C6orf58: variants seen among roughly 807,000 people sequenced by gnomAD.
C6orf58 encodes the protein protein LEG1 homolog.
C6orf58 carries 30 observed loss-of-function variants against 37.0 expected under a neutral mutation model. The ratio of observed to expected loss-of-function variants is 0.81; its 90% CI spans 0.61 to 1.10. C6orf58 has a LOEUF of 1.10. C6orf58 is among the 50% of genes least tolerant of loss of function. The pLI is 0.00. For missense variants in C6orf58, 368 were observed against 387.5 expected, an observed-to-expected ratio of 0.95 and a Z score of 0.42; for synonymous variants, 143 against 134.1, an observed-to-expected ratio of 1.07 and a Z score of -0.46.
Position 127,578,721 on chromosome 6 carries a change from G to A in C6orf58, c.337G>A (p.Gly113Ser). The change falls in exon 2 of 6, where the codon GGC becomes AGC. Residue 113 changes from glycine (G) to serine (S), a missense_variant. Physicochemically the swap from Gly to Ser is moderately conservative, Grantham distance 56. Coordinates refer to ENST00000329722, the MANE Select transcript of C6orf58 (RefSeq NM_001010905.3). ...LADPTRRTNC[G>S]YESGDHMCIS... ...TGATCCAACCCGAAGGACAAACTGTGGCTATGAATCTGGAGATCATATGTG... is the reference window on the plus strand; with the variant it reads ...TGATCCAACCCGAAGGACAAACTGTAGCTATGAATCTGGAGATCATATGTG... 1 of 1,612,780 alleles carries A rather than the reference G, an allele frequency of 6.2e-7. No homozygotes were observed. The highest frequency in any genetic ancestry group is 8.5e-7 in the Non-Finnish European group (1 of 1,179,086).
intron 4 of C6orf58, among the ~76,000 whole-genome samples, chr6:127,586,249 C>T (rs1374507178): frequency 6.6e-6 from 1 of 152,154 alleles, no homozygotes; most frequent in South Asian, 2.1e-4. Context: ...GGCACACAGA[C>T]TTTCAGTCAG....
intron 4 of C6orf58, among the ~76,000 whole-genome samples, chr6:127,581,966 A>G (rs1231770065): frequency 6.6e-6 from 1 of 152,226 alleles, no homozygotes; most frequent in Non-Finnish European, 1.5e-5. Flanking sequence ...TACAAACTAC[A>G]TTAAGTTGCA....
Position 127,577,451 on chromosome 6 carries a change from G to C in C6orf58, c.266G>C (p.Gly89Ala). ...APDNEQNILW[G>A]LPLQYGWQYR... ...GATAATGAACAGAATATTTTATGGG[G>C]GTTGCCTCTGCAGTATGGCTGGCAA... The change falls in exon 1 of 6, where the codon GGG becomes GCG. Residue 89 changes from glycine to alanine, a missense_variant. Physicochemically the swap from Gly to Ala is moderately conservative, Grantham distance 60. Transcript: ENST00000329722. The C allele has an allele frequency of 6.2e-7, 1 of 1,613,584 alleles. No homozygotes were observed. Among genetic ancestry groups the C allele is most frequent in the South Asian group, 1.1e-5 (1 of 91,064 alleles).
intron 4 of C6orf58, among the ~76,000 whole-genome samples, chr6:127,585,049 A>G (rs984184959): frequency 6.6e-6 from 1 of 152,190 alleles, no homozygotes; most frequent in East Asian, 1.9e-4. Context: ...GGGAACTCTC[A>G]TTCGGTCCAA....
chr6:127,582,672 A>T (rs1775062850), intron 4 of C6orf58, among the ~76,000 whole-genome samples: 1 of 152,162 alleles, frequency 6.6e-6, no homozygotes, highest in South Asian at 2.1e-4. Flanking sequence ...CAGGGAAGGA[A>T]TTTTTTACCC....
rs148830086 is a variant in C6orf58, at chr6:127,589,376, T to G, written c.675-711T>G. ...CAAGTCTGTTTGCAAAACTACAAGTTGTTTAGCATGCTTAGACAGCTCATA... is the reference window on the plus strand; with the variant it reads ...CAAGTCTGTTTGCAAAACTACAAGTGGTTTAGCATGCTTAGACAGCTCATA... On this transcript the variant is annotated intron_variant, in intron 4 of 5. Transcript: ENST00000329722. 2.7e-3 allele frequency among the ~76,000 whole-genome samples: 406 copies of G among 152,308 alleles called. 3 individuals are homozygous for G. The highest frequency in any genetic ancestry group is 9.0e-3 in the African/African-American group (376 of 41,570).
At chr6:127,586,721 C>T (rs975331521) in intron 4 of C6orf58, among the ~76,000 whole-genome samples, 1 of 151,830 alleles carries the variant, frequency 6.6e-6, no homozygotes, top group Non-Finnish European at 1.5e-5. Flanking sequence ...AAGTGAAGGC[C>T]TGGCTGTTAG....
Position 127,591,778 on chromosome 6 carries a change from C to A in C6orf58, c.*156C>A. ...TATGCTTATTTGTTAAGATCTTGTACATGTATTAAAAACTTAAATTAAATG... is the reference window on the plus strand; with the variant it reads ...TATGCTTATTTGTTAAGATCTTGTAAATGTATTAAAAACTTAAATTAAATG... On this transcript the variant is annotated 3_prime_UTR_variant, in exon 6 of 6. Coordinates refer to ENST00000329722, the MANE Select transcript of C6orf58 (RefSeq NM_001010905.3). The A allele has an allele frequency of 1.7e-6, 1 of 600,382 alleles. No individual in the cohort carries two copies. The highest frequency in any genetic ancestry group is 2.4e-6 in the Non-Finnish European group (1 of 414,522). The allele number at this position is 600,382 out of a possible 1,614,324, so 37.2% of individuals were successfully genotyped here.
At chr6:127,577,549 A>T in intron 1 of C6orf58, 63 bp downstream of exon 1, 1 of 1,443,360 alleles carries the variant, frequency 6.9e-7, no homozygotes, top group African/African-American at 1.4e-5. Context: ...TATTTGGGAA[A>T]TTGGACTCTG....
rs142408714 is a variant in C6orf58, at chr6:127,578,251, A to G, written c.302-435A>G. Among the ~76,000 whole-genome samples the G allele has an allele frequency of 2.2e-4, 33 of 152,246 alleles. No individual in the cohort carries two copies. In the East Asian group the frequency reaches 6.2e-3, roughly 28 times the overall value. The stretch of plus-strand genomic sequence containing the variant: ...TCTCACCTCACATCACAACCTTATA[A>G]TGTAGTTAATATTATTATCCCCATG... On this transcript the variant is annotated intron_variant, in intron 1 of 5. Coordinates refer to ENST00000329722, the MANE Select transcript of C6orf58 (RefSeq NM_001010905.3).
intron 4 of C6orf58, among the ~76,000 whole-genome samples, chr6:127,584,382 A>G (rs1021131581): frequency 6.6e-6 from 1 of 152,244 alleles, no homozygotes; most frequent in Non-Finnish European, 1.5e-5. Context: ...GGATTATTTT[A>G]TCTCTTCCAT....
chr6:127,588,105 G>T (rs1775124650), intron 4 of C6orf58, among the ~76,000 whole-genome samples: 1 of 152,276 alleles, frequency 6.6e-6, no homozygotes, highest in East Asian at 1.9e-4. Flanking sequence ...GGCTGATTTT[G>T]ATTGGCTCCA....
intron 3 of C6orf58, 32 bp downstream of exon 3, chr6:127,580,481 G>C (rs1166804450): frequency 6.5e-7 from 1 of 1,528,354 alleles, no homozygotes; most frequent in African/African-American, 1.4e-5. Context: ...GAGATAGGAA[G>C]AGAGTTTATT....
chr6:127,585,377 C>T (rs1775096568), intron 4 of C6orf58, among the ~76,000 whole-genome samples: 1 of 152,048 alleles, frequency 6.6e-6, no homozygotes, highest in South Asian at 2.1e-4. Flanking sequence ...AAAATAGGAT[C>T]ACAGATCACT....
At chr6:127,589,682 G>A (rs1287477406) in intron 4 of C6orf58, among the ~76,000 whole-genome samples, 1 of 152,044 alleles carries the variant, frequency 6.6e-6, no homozygotes, top group Admixed American at 6.5e-5. Context: ...TGGGATCCCT[G>A]GCTTTAAGAA....
intron 5 of C6orf58, among the ~76,000 whole-genome samples, chr6:127,591,124 C>T (rs1445810934): frequency 6.6e-6 from 1 of 152,108 alleles, no homozygotes; most frequent in Non-Finnish European, 1.5e-5. Context: ...GGCAGCTTCC[C>T]TTCACACAAT....
chr6:127,587,131 A>G (rs1383170666), intron 4 of C6orf58, among the ~76,000 whole-genome samples: 1 of 151,942 alleles, frequency 6.6e-6, no homozygotes. Context: ...GTTCTTTTCA[A>G]TTTTCAGCTT....
intron 1 of C6orf58, 25 bp from the exon 2 acceptor site, chr6:127,578,661 C>T (rs370888168): frequency 1.2e-4 from 192 of 1,554,442 alleles, no homozygotes; most frequent in Admixed American, 5.4e-4. Context: ...ATAATAAATA[C>T]GACTGTGCAT....
chr6:127,590,897 C>T (rs1775155819), intron 5 of C6orf58, among the ~76,000 whole-genome samples: 1 of 152,052 alleles, frequency 6.6e-6, no homozygotes, highest in Non-Finnish European at 1.5e-5. Flanking sequence ...ATTTGCCATA[C>T]ATGAACTGAA....
Sources: gnomAD v4.1 joint callset for allele counts (sites outside exome capture counted in the v4.1 genomes callset) on GRCh38, gnomAD v4.1.1 for gene constraint, MANE v1.5 for transcripts, NCBI Gene and HGNC (gene_info 2026-07-23, HGNC 2026-07-21) for gene names.